The following BLTP3A variants were observed in gnomAD, a reference collection of about 807,000 sequenced individuals.
BLTP3A encodes bridge-like lipid transfer protein family member 3A.
the BLTP3A span, chr6:34,872,575 T>C: frequency 8.8e-7 from 1 of 1,131,204 alleles, no homozygotes; most frequent in Non-Finnish European, 1.2e-6. Flanking sequence ...ACTTCACTTG[T>C]GTGGGTGTGC....
the BLTP3A span, among the ~76,000 whole-genome samples, chr6:34,816,380 G>A: frequency 1.7e-5 from 2 of 119,282 alleles, no homozygotes; most frequent in African/African-American, 8.9e-5. Flanking sequence ...TGAGGTGGGA[G>A]GATTGCTTGA....
At chr6:34,834,382 C>T in the BLTP3A span, 1 of 1,613,356 alleles carries the variant, frequency 6.2e-7, no homozygotes, top group African/African-American at 1.3e-5. Flanking sequence ...GCCTTACCCG[C>T]ATCACTGACC....
At chr6:34,819,336 G>A in the BLTP3A span, among the ~76,000 whole-genome samples, 1 of 129,644 alleles carries the variant, frequency 7.7e-6, no homozygotes, top group Non-Finnish European at 1.5e-5. Flanking sequence ...CCCAGAGTGT[G>A]ATATTCCCCT....
At chr6:34,797,145 T>C in the BLTP3A span, among the ~76,000 whole-genome samples, 54,560 of 152,096 alleles carry the variant, frequency 0.36, 13,153 homozygotes, top group African/African-American at 0.68. Flanking sequence ...CGCTATATAA[T>C]GTAGCCAAAG....
At chr6:34,853,011 T>A in the BLTP3A span, among the ~76,000 whole-genome samples, 1 of 152,204 alleles carries the variant, frequency 6.6e-6, no homozygotes, top group Non-Finnish European at 1.5e-5. Flanking sequence ...GGATTCTGTC[T>A]GTGCCATGAG....
At chr6:34,849,439 G>A in the BLTP3A span, among the ~76,000 whole-genome samples, 1 of 151,960 alleles carries the variant, frequency 6.6e-6, no homozygotes, top group Non-Finnish European at 1.5e-5. Context: ...TAACAAACAA[G>A]CAAAGAGGAA....
the BLTP3A span, chr6:34,822,029 A>G: frequency 6.3e-7 from 1 of 1,575,330 alleles, no homozygotes; most frequent in Non-Finnish European, 8.7e-7. Context: ...AAGGGAGAAA[A>G]TGATAGGCTA....
chr6:34,858,192 G>A, the BLTP3A span: 40 of 1,613,994 alleles, frequency 2.5e-5, no homozygotes, highest in South Asian at 2.6e-4. Context: ...TCTTCTCTGC[G>A]TCAGGCATGA....
At chr6:34,793,024 A>G in the BLTP3A span, among the ~76,000 whole-genome samples, 14 of 152,328 alleles carry the variant, frequency 9.2e-5, no homozygotes, top group South Asian at 2.9e-3. Context: ...AGTTGGGGAT[A>G]AAGTTTCCGC....
At chr6:34,808,596 T>C in the BLTP3A span, among the ~76,000 whole-genome samples, 1 of 151,104 alleles carries the variant, frequency 6.6e-6, no homozygotes, top group Non-Finnish European at 1.5e-5. Flanking sequence ...TTTTTTTTTT[T>C]CTGTTGAGAC....
chr6:34,835,174 C>A, the BLTP3A span: 2 of 1,113,938 alleles, frequency 1.8e-6, no homozygotes, highest in Non-Finnish European at 2.6e-6. Flanking sequence ...CTCCAAAGTG[C>A]TTGATACTTT....
the BLTP3A span, chr6:34,792,126 T>TGGCGGCGGCGGCGGCGGCGGC: frequency 0.13 from 88,666 of 706,872 alleles, 7,073 homozygotes; most frequent in African/African-American, 0.28. Context: ...GAAAGCGCCA[T>TGGCGGCGGCGGCGGCGGCGGC]GGCGGCGGCG....
the BLTP3A span, among the ~76,000 whole-genome samples, chr6:34,869,322 T>C: frequency 2.0e-5 from 3 of 152,102 alleles, no homozygotes; most frequent in Non-Finnish European, 4.4e-5. Flanking sequence ...GTTTAATTAA[T>C]ACAACAGTAC....
chr6:34,852,873 A>C, the BLTP3A span, among the ~76,000 whole-genome samples: 50 of 152,264 alleles, frequency 3.3e-4, no homozygotes, highest in East Asian at 3.3e-3. Context: ...TTCCTCTCTG[A>C]CTAGGGCTGG....
the BLTP3A span, among the ~76,000 whole-genome samples, chr6:34,813,153 T>C: frequency 8.5e-5 from 13 of 152,236 alleles, no homozygotes; most frequent in Non-Finnish European, 5.9e-5. Flanking sequence ...TTGACCCTAT[T>C]ATTCCCAATA....
chr6:34,854,468 C>T, the BLTP3A span, among the ~76,000 whole-genome samples: 1 of 151,994 alleles, frequency 6.6e-6, no homozygotes, highest in African/African-American at 2.4e-5. Context: ...TTTAGGGTTT[C>T]TTAACCCAGT....
the BLTP3A span, among the ~76,000 whole-genome samples, chr6:34,863,725 T>TC: frequency 6.6e-6 from 1 of 152,194 alleles, no homozygotes; most frequent in East Asian, 1.9e-4. Flanking sequence ...CTCTTCTGAG[T>TC]CTGGGATGAC....
chr6:34,823,624 C>T, the BLTP3A span, among the ~76,000 whole-genome samples: 111 of 150,254 alleles, frequency 7.4e-4, no homozygotes, highest in East Asian at 0.012. Flanking sequence ...TTCACTGTAG[C>T]CTCGACCTCC....
the BLTP3A span, chr6:34,867,322 G>T: frequency 5.4e-4 from 872 of 1,614,126 alleles, 10 homozygotes; most frequent in South Asian, 8.9e-3. Flanking sequence ...ATGGCCAGGG[G>T]TCACCAGCAG....
Sources: allele counts gnomAD v4.1 joint callset (sites outside exome capture counted in the v4.1 genomes callset), GRCh38; gene constraint gnomAD v4.1.1; transcripts MANE v1.5; gene names NCBI Gene and HGNC (gene_info 2026-07-23, HGNC 2026-07-21).